Variants in POGLUT3 observed in about 807,000 individuals in gnomAD.
The protein encoded by POGLUT3 is protein O-glucosyltransferase 3, also known as KDEL (Lys-Asp-Glu-Leu) containing 2.
Under a neutral mutation model 54.3 loss-of-function variants are expected in POGLUT3, and 48 were observed. The ratio of observed to expected loss-of-function variants is 0.88; its 90% CI spans 0.70 to 1.12. The LOEUF (loss-of-function observed/expected upper bound fraction) is 1.12. Among genes scored for constraint, POGLUT3 ranks in the 50% most tolerant of loss-of-function variants. The pLI is 0.00. For missense variants in POGLUT3, 629 were observed against 618.7 expected (o/e 1.02, Z -0.18); for synonymous variants, 218 against 237.4 (o/e 0.92, Z 0.75).
intron 4 of POGLUT3, among the ~76,000 whole-genome samples, chr11:108,481,742 T>C (rs7943798): frequency 0.021 from 3,133 of 152,268 alleles, 105 homozygotes; most frequent in African/African-American, 0.071. Context: ...AGAGATTCAG[T>C]GACTGGGTCC....
rs1156885137 is a variant in POGLUT3, at chr11:108,491,150, C to T, written c.220G>A (p.Val74Ile). 1.8e-5 allele frequency: 29 copies of T among 1,600,878 alleles called. No homozygotes were observed. The highest frequency in any genetic ancestry group is 2.5e-5 in the Non-Finnish European group (29 of 1,170,138). ...TTAGGTGAAAGAGATTTGACTACGACTTTGAATGGTGTTTCACCTAAAAGG... is the reference window on the plus strand; with the variant it reads ...TTAGGTGAAAGAGATTTGACTACGATTTTGAATGGTGTTTCACCTAAAAGG... ...RSPAGETPFK[V>I]VVKSLSPKEL... The change falls in exon 2 of 8, where the codon GTC (valine) becomes ATC (isoleucine). Residue 74 changes from valine to isoleucine, a missense_variant. Transcript: ENST00000323468.
At chr11:108,497,926 T>C (rs1291282293) in intron 1 of POGLUT3, among the ~76,000 whole-genome samples, 1 of 152,224 alleles carries the variant, frequency 6.6e-6, no homozygotes, top group African/African-American at 2.4e-5. Context: ...CATCAGTCCC[T>C]GCACATTAAA....
intron 2 of POGLUT3, among the ~76,000 whole-genome samples, chr11:108,490,366 A>G (rs902499140): frequency 4.6e-5 from 7 of 152,018 alleles, no homozygotes; most frequent in African/African-American, 1.7e-4. Context: ...ATGCCTGGCT[A>G]ATTTTTGTAT....
chr11:108,481,829 G>A (rs770502533), intron 4 of POGLUT3, among the ~76,000 whole-genome samples, 177 bp downstream of exon 4: 3 of 152,114 alleles, frequency 2.0e-5, no homozygotes, highest in Non-Finnish European at 4.4e-5. Flanking sequence ...TCTTACAAAG[G>A]GTGACCAGAA....
At chr11:108,496,743 G>C (rs1363653883) in intron 1 of POGLUT3, among the ~76,000 whole-genome samples, 3 of 152,356 alleles carry the variant, frequency 2.0e-5, no homozygotes, top group Non-Finnish European at 2.9e-5. Flanking sequence ...CACTGAGGTA[G>C]TTAAGGGAGA....
rs2093613242 is a variant in POGLUT3 at position 108,491,455 on chromosome 11, T to C, written c.203-288A>G. ...TTACAGCTCCAACCTCCTGGGCTCA[T>C]GAACCTCCTGCCTCAACCTGCATCA... On this transcript the variant is annotated intron_variant, in intron 1 of 7. Coordinates refer to ENST00000323468, the MANE Select transcript of POGLUT3 (RefSeq NM_153705.5). The C allele has an allele frequency of 2.1e-5, 11 of 524,930 alleles. No homozygotes were observed. The South Asian group carries it at 2.8e-4, about 13-fold the overall frequency. The allele number at this position is 524,930 out of a possible 1,614,324, so 32.5% of individuals were successfully genotyped here. A position where few individuals can be genotyped will look rare whatever the true frequency, so the allele number is the denominator to read the frequency against.
At chr11:108,490,149 GATT>G (rs752605995) in intron 2 of POGLUT3, among the ~76,000 whole-genome samples, 4 of 152,174 alleles carry the variant, frequency 2.6e-5, no homozygotes, top group Admixed American at 1.3e-4. Flanking sequence ...AAAGTGCTGG[GATT>G]ATAGGTGTGA....
At chr11:108,480,171 C>T (rs1490450066) in intron 5 of POGLUT3, among the ~76,000 whole-genome samples, 1 of 152,216 alleles carries the variant, frequency 6.6e-6, no homozygotes, top group African/African-American at 2.4e-5. Flanking sequence ...AAGCTCAATA[C>T]TGATAACAAT....
intron 6 of POGLUT3, chr11:108,478,228 T>A (rs1257930253): frequency 6.5e-6 from 1 of 152,786 alleles, no homozygotes; most frequent in Non-Finnish European, 1.5e-5. Context: ...ACAGAGTATT[T>A]TCCTAGACAT....
chr11:108,490,215 T>G (rs1336272498), intron 2 of POGLUT3, among the ~76,000 whole-genome samples: 1 of 152,046 alleles, frequency 6.6e-6, no homozygotes, highest in African/African-American at 2.4e-5. Flanking sequence ...AGCTTTTTTT[T>G]GAGATGGAAT....
intron 7 of POGLUT3, among the ~76,000 whole-genome samples, chr11:108,476,924 C>T (rs2093583027): frequency 1.3e-5 from 2 of 152,116 alleles, no homozygotes; most frequent in Non-Finnish European, 2.9e-5. Context: ...TAATGATCTC[C>T]AGTCCAACCA....
chr11:108,476,371 G>T (rs1237825350), intron 7 of POGLUT3, among the ~76,000 whole-genome samples: 1 of 152,048 alleles, frequency 6.6e-6, no homozygotes, highest in African/African-American at 2.4e-5. Flanking sequence ...GACCTCAGGT[G>T]ATCCACCCTC....
At chr11:108,495,329 C>G (rs1001233073) in intron 1 of POGLUT3, among the ~76,000 whole-genome samples, 1 of 152,108 alleles carries the variant, frequency 6.6e-6, no homozygotes, top group Non-Finnish European at 1.5e-5. Flanking sequence ...CACTACCACG[C>G]CTGGCTGATA....
chr11:108,491,019 C>A lies in POGLUT3; in HGVS notation c.351G>T (p.Glu117Asp). ...YETVDEGLKIEVLYGDEHVAQ... is the reference protein window; with the variant it reads ...YETVDEGLKIDVLYGDEHVAQ... ...CCACATGTTCATCACCATAAAGGAC[C>A]TCTATCTTCAGGCCTTCATCGACAG... Residue 117 changes from glutamate (E) to aspartate (D), a missense_variant, in exon 2 of 8, where the codon GAG (glutamate) becomes GAT (aspartate). By Grantham distance (45) the Glu-to-Asp change is conservative. Coordinates refer to ENST00000323468, the MANE Select transcript of POGLUT3 (RefSeq NM_153705.5). 6.2e-7 allele frequency: 1 copy of A among 1,614,046 alleles called. No homozygotes were observed. Among genetic ancestry groups the A allele is most frequent in the East Asian group, 2.2e-5 (1 of 44,870 alleles).
At chr11:108,485,827 T>A (rs1010645783) in intron 3 of POGLUT3, among the ~76,000 whole-genome samples, 4 of 151,946 alleles carry the variant, frequency 2.6e-5, no homozygotes, top group Non-Finnish European at 4.4e-5. Context: ...CCAGCTAATT[T>A]TTGTATTTTT....
intron 4 of POGLUT3, among the ~76,000 whole-genome samples, chr11:108,481,583 AC>A (rs1456068103): frequency 6.6e-6 from 1 of 152,162 alleles, no homozygotes; most frequent in Non-Finnish European, 1.5e-5. Context: ...TTTAAAAAAA[AC>A]AGTCTTTTTA....
intron 1 of POGLUT3, among the ~76,000 whole-genome samples, chr11:108,496,501 T>C (rs2093622473): frequency 6.6e-6 from 1 of 152,230 alleles, no homozygotes; most frequent in South Asian, 2.1e-4. Context: ...TGATATCACC[T>C]ACAAAGCCTA....
chr11:108,479,449 TATCTGTAAGCAGCC>T lies in POGLUT3; in HGVS notation c.1131_1144del (p.Ala378SerfsTer19). 1.2e-6 allele frequency: 2 copies of T among 1,611,672 alleles called. No individual in the cohort carries two copies. Among genetic ancestry groups the T allele is most frequent in the Non-Finnish European group, 1.7e-6 (2 of 1,179,712 alleles). On this transcript the variant is annotated frameshift_variant, in exon 6 of 8. Coordinates refer to ENST00000323468, the MANE Select transcript of POGLUT3 (RefSeq NM_153705.5). LOFTEE classifies it high-confidence loss of function. ...ACTGTCGCCCAGCATGAGATATGGATATCTGTAAGCAGCCACGGTCCCATCCACATTTACTTGAT... is the reference window on the plus strand; with the variant it reads ...ACTGTCGCCCAGCATGAGATATGGATACGGTCCCATCCACATTTACTTGAT...
At chr11:108,475,391 T>C (rs1459470869) in intron 7 of POGLUT3, among the ~76,000 whole-genome samples, 3 of 151,784 alleles carry the variant, frequency 2.0e-5, no homozygotes, top group African/African-American at 4.8e-5. Context: ...CATTTTTGAA[T>C]GGCAACAGGT....
Sources: allele counts gnomAD v4.1 joint callset (sites outside exome capture counted in the v4.1 genomes callset), GRCh38; gene constraint gnomAD v4.1.1; transcripts MANE v1.5; gene names NCBI Gene and HGNC (gene_info 2026-07-23, HGNC 2026-07-21).